CMKLR1: variants seen among roughly 807,000 people sequenced by gnomAD.
CMKLR1 encodes chemerin chemokine-like receptor 1.
A neutral mutation model predicts 8.2 loss-of-function variants in CMKLR1; 6 were observed. The observed-to-expected ratio is 0.73, with a 90% confidence interval of 0.40 to 1.44. CMKLR1 has a LOEUF of 1.44. Ranked by LOEUF, CMKLR1 falls within the 40% of genes most tolerant of loss-of-function variation. The pLI is 0.02. For missense variants in CMKLR1, 429 were observed against 478.0 expected (o/e 0.90, Z 0.96); for synonymous variants, 178 against 181.2 (o/e 0.98, Z 0.14).
At chr12:108,338,518 G>A (rs1042445302) in intron 1 of CMKLR1, among the ~76,000 whole-genome samples, 1 of 152,200 alleles carries the variant, frequency 6.6e-6, no homozygotes, top group African/African-American at 2.4e-5. Flanking sequence ...GAGAGGTCAA[G>A]CTGCCACGGC....
rs990180812 is a variant in CMKLR1, at chr12:108,290,428, A to G, written c.*1413T>C. ...TGCTGTAATGATTAAATGAGAAAAC[A>G]TATGTAAAGTGCATAATATAAAAAG... On this transcript the variant is annotated 3_prime_UTR_variant, in exon 4 of 4. Transcript: ENST00000550402. The G allele has an allele frequency of 6.6e-6, 1 of 152,230 alleles. No homozygotes were observed. Among genetic ancestry groups the G allele is most frequent in the Non-Finnish European group, 1.5e-5 (1 of 68,046 alleles). 9.4% of individuals were successfully genotyped at this position (152,230 alleles called of 1,614,324 possible).
intron 2 of CMKLR1, among the ~76,000 whole-genome samples, chr12:108,314,633 AG>A (rs1188481295): frequency 2.0e-5 from 3 of 152,232 alleles, no homozygotes; most frequent in Non-Finnish European, 4.4e-5. Context: ...ATATCTGAGA[AG>A]GGGCCTGAAC....
At chr12:108,308,502 C>T (rs1891466620) in intron 2 of CMKLR1, among the ~76,000 whole-genome samples, 1 of 152,210 alleles carries the variant, frequency 6.6e-6, no homozygotes, top group African/African-American at 2.4e-5. Flanking sequence ...CTGCAGGCCA[C>T]CTCCTTCTGG....
intron 1 of CMKLR1, among the ~76,000 whole-genome samples, chr12:108,333,472 C>A (rs1333678153): frequency 6.6e-6 from 1 of 152,212 alleles, no homozygotes; most frequent in Non-Finnish European, 1.5e-5. Context: ...AGGCACCAGA[C>A]ACCCAGATGT....
chr12:108,335,263 C>T (rs1892193668), intron 1 of CMKLR1, among the ~76,000 whole-genome samples: 1 of 152,146 alleles, frequency 6.6e-6, no homozygotes, highest in African/African-American at 2.4e-5. Flanking sequence ...AACTCCATGT[C>T]CTGGCCTCCT....
intron 1 of CMKLR1, among the ~76,000 whole-genome samples, chr12:108,335,610 T>C (rs551451359): frequency 6.6e-6 from 1 of 152,342 alleles, no homozygotes; most frequent in South Asian, 2.1e-4. Context: ...ATGAAATTAT[T>C]GTGGCCAAAG....
rs372559550 is a variant in CMKLR1 at position 108,293,605 on chromosome 12, G to A, written c.-14C>T. 6.5e-7 allele frequency: 1 copy of A among 1,543,844 alleles called. No individual in the cohort carries two copies. ...CTTCCTCACCATTCACCGTTATGTT[G>A]TCTGCAGCTCTCCAATGTGAGTCCT... On this transcript the variant is annotated 5_prime_UTR_variant, in exon 3 of 4. Transcript: ENST00000550402.
chr12:108,310,353 C>G (rs2137316100), intron 2 of CMKLR1, among the ~76,000 whole-genome samples: 1 of 152,262 alleles, frequency 6.6e-6, no homozygotes, highest in East Asian at 1.9e-4. Context: ...ATTCCAGCTT[C>G]TAACCTGGGT....
intron 2 of CMKLR1, among the ~76,000 whole-genome samples, chr12:108,297,434 T>C (rs1566019037): frequency 6.6e-6 from 1 of 152,218 alleles, no homozygotes; most frequent in South Asian, 2.1e-4. Context: ...AGTCAAAAGT[T>C]ATATGTGGAT....
intron 2 of CMKLR1, among the ~76,000 whole-genome samples, chr12:108,305,792 C>T (rs974452256): frequency 3.9e-5 from 6 of 152,166 alleles, no homozygotes; most frequent in Admixed American, 2.0e-4. Context: ...CAGAGCAGAG[C>T]GGCACGGGCT....
At chr12:108,331,953 T>G (rs1892118968) in intron 1 of CMKLR1, among the ~76,000 whole-genome samples, 1 of 152,234 alleles carries the variant, frequency 6.6e-6, no homozygotes, top group Admixed American at 6.5e-5. Context: ...GCCATTCGGT[T>G]TATGGTTATT....
At chr12:108,300,894 T>C (rs1891249227) in intron 2 of CMKLR1, among the ~76,000 whole-genome samples, 1 of 152,108 alleles carries the variant, frequency 6.6e-6, no homozygotes, top group African/African-American at 2.4e-5. Flanking sequence ...CCAATCCTCA[T>C]GATCACCCTA....
intron 2 of CMKLR1, among the ~76,000 whole-genome samples, chr12:108,322,444 A>G (rs1399778833): frequency 6.6e-6 from 1 of 152,162 alleles, no homozygotes; most frequent in African/African-American, 2.4e-5. Flanking sequence ...TTTCTTCTCC[A>G]GCTGTATCGT....
intron 2 of CMKLR1, among the ~76,000 whole-genome samples, chr12:108,321,144 A>G (rs1438221894): frequency 6.6e-6 from 1 of 152,194 alleles, no homozygotes; most frequent in Non-Finnish European, 1.5e-5. Flanking sequence ...ACCTGAGGCC[A>G]TATCCTCAAT....
rs1440834173 is a variant in CMKLR1, at chr12:108,292,605, T to C, written c.358A>G (p.Ile120Val). 3 of 1,613,968 alleles carry C rather than the reference T, an allele frequency of 1.9e-6. No individual in the cohort carries two copies. The highest frequency in any genetic ancestry group is 1.7e-6 in the Non-Finnish European group (2 of 1,180,028). ...AMCKISNFLL[I>V]HNMFTSVFLL... ...AAGACGCTGGTGAACATGTTGTGGA[T>C]GAGAAGGAAGTTGCTGATCTTGCAC... Residue 120 changes from isoleucine (I) to valine (V), a missense_variant, in exon 4 of 4, where the codon ATC (isoleucine) becomes GTC (valine). Coordinates refer to ENST00000550402, the MANE Select transcript of CMKLR1 (RefSeq NM_001142343.2).
At chr12:108,315,322 A>G (rs1037971856) in intron 2 of CMKLR1, among the ~76,000 whole-genome samples, 5 of 152,142 alleles carry the variant, frequency 3.3e-5, no homozygotes, top group African/African-American at 1.2e-4. Context: ...ATCATGACAA[A>G]GACATACTTG....
chr12:108,323,738 G>A (rs12813851), intron 2 of CMKLR1, among the ~76,000 whole-genome samples: 36,139 of 152,128 alleles, frequency 0.24, 4,855 homozygotes, highest in Middle Eastern at 0.34. Context: ...AAGCTTGGCT[G>A]GAGAAACAGG....
intron 2 of CMKLR1, among the ~76,000 whole-genome samples, chr12:108,312,312 G>A (rs1162384202): frequency 6.6e-6 from 1 of 152,184 alleles, no homozygotes; most frequent in Non-Finnish European, 1.5e-5. Flanking sequence ...ATCGTGGATG[G>A]GCTGACAGGC....
At chr12:108,319,590 T>C (rs1249986892) in intron 2 of CMKLR1, among the ~76,000 whole-genome samples, 1 of 152,204 alleles carries the variant, frequency 6.6e-6, no homozygotes, top group Non-Finnish European at 1.5e-5. Flanking sequence ...ATAAATAATA[T>C]ATACCTTATA....
Sources: gnomAD v4.1 joint callset for allele counts (sites outside exome capture counted in the v4.1 genomes callset) on GRCh38, gnomAD v4.1.1 for gene constraint, MANE v1.5 for transcripts, NCBI Gene and HGNC (gene_info 2026-07-23, HGNC 2026-07-21) for gene names.